COPA: variants seen among roughly 807,000 people sequenced by gnomAD.
The protein encoded by COPA is coatomer subunit alpha.
Under a neutral mutation model 158.7 loss-of-function variants are expected in COPA, and 10 were observed. The ratio of observed to expected loss-of-function variants is 0.06; its 90% CI spans 0.04 to 0.11. The LOEUF (loss-of-function observed/expected upper bound fraction) is 0.11, where lower values mean the gene tolerates loss of function less well. COPA is among the 10% of genes least tolerant of loss of function. The pLI, the probability that COPA is intolerant of heterozygous loss-of-function variation, is 1.00. For synonymous variants in COPA, 462 were observed against 542.8 expected (o/e 0.85, Z 2.07); for missense variants, 1,065 against 1,536.7 (o/e 0.69, Z 5.13).
chr1:160,337,231 T>C (rs887329105), intron 3 of COPA, among the ~76,000 whole-genome samples: 1 of 152,228 alleles, frequency 6.6e-6, no homozygotes, highest in Admixed American at 6.5e-5. Context: ...TAAAAACTTA[T>C]AGGGGTTTTA....
At chr1:160,302,551 T>C (rs1022561275) in intron 17 of COPA, among the ~76,000 whole-genome samples, 32 of 40,788 alleles carry the variant, frequency 7.8e-4, no homozygotes, top group Non-Finnish European at 1.5e-3. Context: ...ACAAGTTACT[T>C]TTTTTTTTTT....
intron 17 of COPA, among the ~76,000 whole-genome samples, chr1:160,304,910 A>G (rs1342441244): frequency 6.6e-6 from 1 of 152,232 alleles, no homozygotes; most frequent in Non-Finnish European, 1.5e-5. Flanking sequence ...AAATAAATAC[A>G]TTGGAGCTAC....
intron 8 of COPA, among the ~76,000 whole-genome samples, chr1:160,323,140 A>G (rs1659383140): frequency 6.6e-6 from 1 of 152,122 alleles, no homozygotes; most frequent in Admixed American, 6.6e-5. Context: ...TCTCACTCAC[A>G]TGTGGAAGCT....
chr1:160,306,387 T>C lies in COPA; in HGVS notation c.1409A>G (p.Asp470Gly), dbSNP rs769017937. The C allele has an allele frequency of 1.9e-6, 3 of 1,612,834 alleles. No homozygotes were observed. Among genetic ancestry groups the C allele is most frequent in the Non-Finnish European group, 2.5e-6 (3 of 1,179,296 alleles). ...CTGTACGTCAAAGAGTGTGATAGAGTCCGCATCTCGAAGCAGGAGATTGCC... is the reference window on the plus strand; with the variant it reads ...CTGTACGTCAAAGAGTGTGATAGAGCCCGCATCTCGAAGCAGGAGATTGCC... Reference protein sequence around the residue: ...GTGNLLLRDADSITLFDVQQK... With the variant: ...GTGNLLLRDAGSITLFDVQQK... Residue 470 changes from aspartate to glycine, a missense_variant, in exon 15 of 33, where the codon GAC becomes GGC. By Grantham distance (94) the Asp-to-Gly change is moderately conservative. Around this residue, in one of 2 missense-constraint regions of COPA, gnomAD observed 980 missense variants for 1,357.8 expected, o/e 0.72. Transcript: ENST00000241704.
At chr1:160,311,178 C>T (rs1048292760) in intron 11 of COPA, among the ~76,000 whole-genome samples, 1 of 152,026 alleles carries the variant, frequency 6.6e-6, no homozygotes, top group Admixed American at 6.6e-5. Flanking sequence ...CGGTGGCTCA[C>T]GCCTGCAATC....
At position 160,299,224 on chromosome 1, in the gene COPA, C is replaced by T. The variant is rs1162410358; in HGVS notation, c.1708G>A (p.Val570Ile). 5 of 1,613,944 alleles carry T rather than the reference C, an allele frequency of 3.1e-6. No homozygotes were observed. In the Admixed American group the frequency reaches 8.3e-5, roughly 27 times the overall value. Reference sequence around the variant, plus strand: ...ACATTGTTGCCCTTCACCCGTGTGACATAGATGGGTAAATCCAGAGTTCGA... The same window carrying T: ...ACATTGTTGCCCTTCACCCGTGTGATATAGATGGGTAAATCCAGAGTTCGA... ...IIRTLDLPIY[V>I]TRVKGNNVYC... Residue 570 changes from valine to isoleucine, a missense_variant, in exon 18 of 33, where the codon GTC (valine) becomes ATC (isoleucine). Around this residue, in one of 2 missense-constraint regions of COPA, gnomAD observed 980 missense variants for 1,357.8 expected, o/e 0.72. Coordinates refer to ENST00000241704, the MANE Select transcript of COPA (RefSeq NM_004371.4).
At chr1:160,316,319 T>C (rs932135872) in intron 8 of COPA, among the ~76,000 whole-genome samples, 3 of 150,134 alleles carry the variant, frequency 2.0e-5, no homozygotes, top group African/African-American at 7.4e-5. Context: ...GATTGTACCA[T>C]TGCACTCCAG....
intron 11 of COPA, among the ~76,000 whole-genome samples, chr1:160,311,168 C>T (rs1171946064): frequency 2.6e-5 from 4 of 151,958 alleles, no homozygotes; most frequent in African/African-American, 7.3e-5. Context: ...TGGTTGGGTG[C>T]GGTGGCTCAC....
At position 160,305,194 on chromosome 1, in the gene COPA, T is replaced by C. The variant is rs1658744434; in HGVS notation, c.1667+239A>G. 6 of 379,244 alleles carry C rather than the reference T, an allele frequency of 1.6e-5. No homozygotes were observed. The South Asian group carries it at 2.6e-4, about 16-fold the overall frequency. 23.5% of individuals were successfully genotyped at this position (379,244 alleles called of 1,614,324 possible). A position where few individuals can be genotyped will look rare whatever the true frequency, so the allele number is the denominator to read the frequency against. On this transcript the variant is annotated intron_variant, in intron 17 of 32. Coordinates refer to ENST00000241704, the MANE Select transcript of COPA (RefSeq NM_004371.4). ...GACTTGGGTGGTAGTTATGCTGATG[T>C]TCACTACATAACTTATTTGTTATTC...
rs1338638836 is a variant in COPA at position 160,289,327 on chromosome 1, G to T, written c.*830C>A. 1 of 152,180 alleles carries T rather than the reference G, an allele frequency of 6.6e-6. No homozygotes were observed. Among genetic ancestry groups the T allele is most frequent in the Non-Finnish European group, 1.5e-5 (1 of 68,024 alleles). 9.4% of individuals were successfully genotyped at this position (152,180 alleles called of 1,614,324 possible). On this transcript the variant is annotated 3_prime_UTR_variant, in exon 33 of 33. Coordinates refer to ENST00000241704, the MANE Select transcript of COPA (RefSeq NM_004371.4). ...TGTGAGAAATATGAGAACAATAGTT[G>T]TAAAGAACAAATCAATAACCCGCAG...
At chr1:160,295,605 T>C in intron 23 of COPA, 131 bp downstream of exon 23, 1 of 960,596 alleles carries the variant, frequency 1.0e-6, no homozygotes, top group South Asian at 2.9e-5. Context: ...CATAAATGAC[T>C]GGCATTTCAA....
At chr1:160,311,746 C>CAA in intron 11 of COPA, 122 bp downstream of exon 11, 1 of 1,007,972 alleles carries the variant, frequency 9.9e-7, no homozygotes, top group East Asian at 3.4e-5. Context: ...GACTCCGTCT[C>CAA]AAAAAAAAAT....
intron 13 of COPA, among the ~76,000 whole-genome samples, chr1:160,308,442 G>T (rs1658862129): frequency 6.6e-6 from 1 of 152,182 alleles, no homozygotes; most frequent in Admixed American, 6.5e-5. Context: ...ATTAAAATAT[G>T]CCAGTAAGAG....
chr1:160,306,618 G>A, intron 14 of COPA, 125 bp from the exon 15 acceptor site: 1 of 1,199,464 alleles, frequency 8.3e-7, no homozygotes, highest in Non-Finnish European at 1.2e-6. Flanking sequence ...TCCTGTCCAT[G>A]TCAATTACCA....
rs768723405 is a variant in COPA, at chr1:160,343,184, G to A, written c.-14C>T. ...TTTGGTTAACATCTCTCAGGTCTCC[G>A]ACTCCGATGTCTTAATCCGAGCCCC... On this transcript the variant is annotated 5_prime_UTR_variant, in exon 1 of 33. Transcript: ENST00000241704. 2 of 1,613,936 alleles carry A rather than the reference G, an allele frequency of 1.2e-6. No homozygotes were observed. The highest frequency in any genetic ancestry group is 2.7e-5 in the African/African-American group (2 of 74,878).
intron 1 of COPA, among the ~76,000 whole-genome samples, chr1:160,342,402 A>G (rs1244196168): frequency 1.3e-5 from 2 of 152,106 alleles, no homozygotes; most frequent in Non-Finnish European, 2.9e-5. Flanking sequence ...CGATCTCAGT[A>G]TTTGCCCTCC....
At chr1:160,321,689 G>A (rs995280942) in intron 8 of COPA, among the ~76,000 whole-genome samples, 2 of 152,150 alleles carry the variant, frequency 1.3e-5, no homozygotes, top group Admixed American at 6.5e-5. Context: ...TCGAGACGCT[G>A]AAGTATGAGA....
In COPA at chr1:160,295,763, A is replaced by C. The variant is rs1247850893; in HGVS notation, c.2449T>G (p.Phe817Val). ...NWPLLTVSKG[F>V]FEGTIASKGK... Reference sequence around the variant, plus strand: ...TTGCTGGCAATGGTGCCTTCAAAAAATCCTTTGGATACAGTCAATAAAGGC... The same window carrying C: ...TTGCTGGCAATGGTGCCTTCAAAAACTCCTTTGGATACAGTCAATAAAGGC... The change falls in exon 23 of 33, where the codon TTT (phenylalanine) becomes GTT (valine). Residue 817 changes from phenylalanine to valine, a missense_variant. By Grantham distance (50) the Phe-to-Val change is conservative (BLOSUM62 -1). Transcript: ENST00000241704. The C allele has an allele frequency of 6.2e-7, 1 of 1,607,626 alleles. No homozygotes were observed.
At chr1:160,339,174 C>T (rs900709429) in intron 3 of COPA, among the ~76,000 whole-genome samples, 1 of 152,002 alleles carries the variant, frequency 6.6e-6, no homozygotes, top group Non-Finnish European at 1.5e-5. Flanking sequence ...TCCTTATTGG[C>T]CATCACCCAA....
Sources: allele counts gnomAD v4.1 joint callset (sites outside exome capture counted in the v4.1 genomes callset), GRCh38; gene constraint gnomAD v4.1.1; regional missense constraint gnomAD v4.1.1; transcripts MANE v1.5; gene names NCBI Gene and HGNC (gene_info 2026-07-23, HGNC 2026-07-21).